C19orf44: variants seen among roughly 807,000 people sequenced by gnomAD.
C19orf44 encodes the protein chromosome 19 open reading frame 44.
In C19orf44, 43 loss-of-function variants were observed where a neutral mutation model predicts 50.7. The observed-to-expected ratio is 0.85, with a 90% CI of 0.66 to 1.09. The LOEUF is 1.09. Ranked by LOEUF, C19orf44 falls within the 50% of genes least tolerant of loss-of-function variation. C19orf44 has a pLI of 0.00. For synonymous variants in C19orf44, 298 were observed against 334.7 expected, an observed-to-expected ratio of 0.89 and a Z score of 1.20; for missense variants, 722 against 836.2, an observed-to-expected ratio of 0.86 and a Z score of 1.68.
intron 6 of C19orf44, among the ~76,000 whole-genome samples, chr19:16,513,383 CTTTT>C (rs779016654): frequency 2.4e-4 from 37 of 152,210 alleles, no homozygotes; most frequent in Non-Finnish European, 4.9e-4. Context: ...AACAAGGCCA[CTTTT>C]TTTGTTTGTT....
Position 16,519,574 on chromosome 19 carries a change from G to T in C19orf44, c.*41-520G>T. ...AAAGCGCTGGTGACTCCCGGGCCCA[G>T]CACGCGTGAGGACCCATCCCGCGCC... On this transcript the variant is annotated intron_variant, in intron 8 of 8. Transcript: ENST00000221671. The surrounding 1 kb of genome is among the most constrained non-coding windows in gnomAD (Gnocchi z 6.0). 1 of 1,520,372 alleles carries T rather than the reference G, an allele frequency of 6.6e-7. No individual in the cohort carries two copies. Among genetic ancestry groups the T allele is most frequent in the East Asian group, 2.3e-5 (1 of 44,302 alleles). 94.2% of individuals were successfully genotyped at this position (1,520,372 alleles called of 1,614,324 possible). A position where few individuals can be genotyped will look rare whatever the true frequency, so the allele number is the denominator to read the frequency against.
chr19:16,508,780 A>G (rs1056616524), intron 4 of C19orf44, among the ~76,000 whole-genome samples: 3 of 151,508 alleles, frequency 2.0e-5, no homozygotes, highest in Non-Finnish European at 4.4e-5. Flanking sequence ...AGCTCAAAGG[A>G]TCCTGCCGCC....
At chr19:16,517,403 C>A (rs533615471) in intron 8 of C19orf44, 62 bp downstream of exon 8, 2 of 1,221,772 alleles carry the variant, frequency 1.6e-6, no homozygotes, top group Non-Finnish European at 1.2e-6. Flanking sequence ...CATCAGTGTC[C>A]AAGTGTGACG....
rs2085611724 is a variant in C19orf44 at position 16,521,210 on chromosome 19, C to T, written c.*1157C>T. 1.7e-6 allele frequency: 1 copy of T among 575,322 alleles called. No individual in the cohort carries two copies. The highest frequency in any genetic ancestry group is 3.1e-6 in the Non-Finnish European group (1 of 321,780). 35.6% of individuals were successfully genotyped at this position (575,322 alleles called of 1,614,324 possible). A position where few individuals can be genotyped will look rare whatever the true frequency, so the allele number is the denominator to read the frequency against. ...ACTGACTCATGGGTGGACAGGCCTG[C>T]AGCCCAGCACAGGAAGGAGGGGTGA... On this transcript the variant is annotated 3_prime_UTR_variant, in exon 9 of 9. Coordinates refer to ENST00000221671, the MANE Select transcript of C19orf44 (RefSeq NM_032207.4).
rs758300143 is a variant in C19orf44 at position 16,519,653 on chromosome 19, T to C, written c.*41-441T>C. 6.2e-7 allele frequency: 1 copy of C among 1,614,100 alleles called. No homozygotes were observed. Among genetic ancestry groups the C allele is most frequent in the Non-Finnish European group, 8.5e-7 (1 of 1,180,016 alleles). ...CACCAGCATCTGATGGCCTTTGTTCTCTTCTCCGAGCCTTGAGTCAGGGAT... is the reference window on the plus strand; with the variant it reads ...CACCAGCATCTGATGGCCTTTGTTCCCTTCTCCGAGCCTTGAGTCAGGGAT... On this transcript the variant is annotated intron_variant, in intron 8 of 8. Transcript: ENST00000221671. The surrounding 1 kb of genome is among the most constrained non-coding windows in gnomAD (Gnocchi z 6.0).
At position 16,520,716 on chromosome 19, in the gene C19orf44, G is replaced by T. The variant is rs931969986; in HGVS notation, c.*663G>T. On this transcript the variant is annotated 3_prime_UTR_variant, in exon 9 of 9. Transcript: ENST00000221671. This position sits in a 1 kb window ranked among gnomAD's most constrained non-coding sequence, Gnocchi z 4.0. ...GCCTTGTGGAAAACACCGCCCCATA[G>T]GCACAGGCTGTGTGAGGGTGGACGT... 2.4e-6 allele frequency: 3 copies of T among 1,232,832 alleles called. No homozygotes were observed. The highest frequency in any genetic ancestry group is 3.5e-6 in the Non-Finnish European group (3 of 845,280). The allele number at this position is 1,232,832 out of a possible 1,614,324, so 76.4% of individuals were successfully genotyped here. A position where few individuals can be genotyped will look rare whatever the true frequency, so the allele number is the denominator to read the frequency against.
Position 16,500,551 on chromosome 19 carries a change from G to T in C19orf44, c.-1-241G>T, listed in dbSNP as rs546500408. Among the ~76,000 whole-genome samples, 14 of 151,646 alleles carry T rather than the reference G, an allele frequency of 9.2e-5. No homozygotes were observed. The South Asian group carries it at 2.7e-3, about 29-fold the overall frequency. ...GTAGAGACGGGGTTTCACCATGTTT[G>T]CCAGGATGGTCTCAATCTCTTGACA... is the stretch of plus-strand genomic sequence containing the variant. On this transcript the variant is annotated intron_variant, in intron 1 of 8. Coordinates refer to ENST00000221671, the MANE Select transcript of C19orf44 (RefSeq NM_032207.4).
At chr19:16,503,878 CTT>C (rs1568493769) in intron 3 of C19orf44, among the ~76,000 whole-genome samples, 1 of 152,118 alleles carries the variant, frequency 6.6e-6, no homozygotes, top group African/African-American at 2.4e-5. Context: ...CAACTCATCT[CTT>C]GAGTCAATTT....
At chr19:16,516,075 G>C (rs903808334) in intron 7 of C19orf44, among the ~76,000 whole-genome samples, 4 of 152,176 alleles carry the variant, frequency 2.6e-5, no homozygotes, top group African/African-American at 9.7e-5. Context: ...TGGGATTATA[G>C]GCGTGAGCCA....
chr19:16,500,592 C>G (rs2093422304), intron 1 of C19orf44, among the ~76,000 whole-genome samples, 200 bp from the exon 2 acceptor site: 1 of 152,036 alleles, frequency 6.6e-6, no homozygotes, highest in Non-Finnish European at 1.5e-5. Flanking sequence ...ATCCACCTGC[C>G]TCGGCCTCCC....
intron 1 of C19orf44, among the ~76,000 whole-genome samples, chr19:16,499,821 G>A (rs1219939965): frequency 3.3e-5 from 5 of 150,236 alleles, no homozygotes; most frequent in Admixed American, 2.7e-4. Context: ...ACAGAGTCTC[G>A]CTCTGTCGTC....
intron 7 of C19orf44, among the ~76,000 whole-genome samples, chr19:16,515,011 A>G (rs1390391010): frequency 6.6e-6 from 1 of 152,188 alleles, no homozygotes; most frequent in Non-Finnish European, 1.5e-5. Context: ...AGATGGGGCC[A>G]GAGGCGGCCC....
Position 16,503,444 on chromosome 19 carries a change from C to T in C19orf44, c.1075+64C>T. The T allele has an allele frequency of 1.5e-5, 23 of 1,512,150 alleles. No homozygotes were observed. In the South Asian group the frequency reaches 2.6e-4, roughly 17 times the overall value. 93.7% of individuals were successfully genotyped at this position (1,512,150 alleles called of 1,614,324 possible). On this transcript the variant is annotated intron_variant, in intron 3 of 8. Transcript: ENST00000221671. The stretch of plus-strand genomic sequence containing the variant: ...GGAAGGGTGGGGCCACCTTTAGAGT[C>T]CCTGACGCAGTGGTCATGGGGCATT...
At position 16,519,560 on chromosome 19, in the gene C19orf44, G is replaced by A; in HGVS notation, c.*41-534G>A. On this transcript the variant is annotated intron_variant, in intron 8 of 8. Coordinates refer to ENST00000221671, the MANE Select transcript of C19orf44 (RefSeq NM_032207.4). This position sits in a 1 kb window ranked among gnomAD's most constrained non-coding sequence, Gnocchi z 6.0. ...GCACTGAGGAAGAGAAAGCGCTGGTGACTCCCGGGCCCAGCACGCGTGAGG... is the reference window on the plus strand; with the variant it reads ...GCACTGAGGAAGAGAAAGCGCTGGTAACTCCCGGGCCCAGCACGCGTGAGG... 6.9e-7 allele frequency: 1 copy of A among 1,452,634 alleles called. No homozygotes were observed. Among genetic ancestry groups the A allele is most frequent in the Non-Finnish European group, 9.7e-7 (1 of 1,035,172 alleles). 90.0% of individuals were successfully genotyped at this position (1,452,634 alleles called of 1,614,324 possible). A position where few individuals can be genotyped will look rare whatever the true frequency, so the allele number is the denominator to read the frequency against.
chr19:16,509,412 G>C, intron 4 of C19orf44, 87 bp from the exon 5 acceptor site: 1 of 1,495,622 alleles, frequency 6.7e-7, no homozygotes, highest in South Asian at 1.4e-5. Flanking sequence ...GAGTGCTGCA[G>C]GTCCCCAGCT....
intron 1 of C19orf44, among the ~76,000 whole-genome samples, chr19:16,499,095 T>A (rs939721373): frequency 6.6e-6 from 1 of 152,148 alleles, no homozygotes; most frequent in African/African-American, 2.4e-5. Context: ...ATTAAGTAAC[T>A]TGCCCGGGGT....
At chr19:16,499,950 G>T (rs887858534) in intron 1 of C19orf44, among the ~76,000 whole-genome samples, 4 of 151,826 alleles carry the variant, frequency 2.6e-5, no homozygotes, top group Non-Finnish European at 5.9e-5. Flanking sequence ...CACCAGGCCC[G>T]GCTAATTTTT....
chr19:16,510,800 A>G (rs1241121333), intron 5 of C19orf44, among the ~76,000 whole-genome samples: 2 of 152,024 alleles, frequency 1.3e-5, no homozygotes, highest in African/African-American at 2.4e-5. Context: ...CAGTGACCCA[A>G]TCATAGCTCA....
rs373893265 is a variant in C19orf44 at position 16,509,582 on chromosome 19, C to A, written c.1233C>A (p.Ala411=). The change falls in exon 5 of 9, where the codon GCC becomes GCA. Residue 411 remains alanine (A), a synonymous_variant. Transcript: ENST00000221671. ...ASTGQDAPRQ[A]QARSWASQGK... is the part of the protein sequence containing the mutation. Reference sequence around the variant, plus strand: ...CTGGGCAGGATGCCCCGAGGCAGGCCCAGGCGAGGAGCTGGGCATCACAGG... The same window carrying A: ...CTGGGCAGGATGCCCCGAGGCAGGCACAGGCGAGGAGCTGGGCATCACAGG... 2 of 1,613,684 alleles carry A rather than the reference C, an allele frequency of 1.2e-6. No individual in the cohort carries two copies. Among genetic ancestry groups the A allele is most frequent in the Non-Finnish European group, 1.7e-6 (2 of 1,179,682 alleles).
Sources: allele counts gnomAD v4.1 joint callset (sites outside exome capture counted in the v4.1 genomes callset), GRCh38; gene constraint gnomAD v4.1.1; non-coding constraint Gnocchi (gnomAD v3.1); transcripts MANE v1.5; gene names NCBI Gene and HGNC (gene_info 2026-07-23, HGNC 2026-07-21).